The following GLI1 variants were observed in gnomAD, a reference collection of about 807,000 sequenced individuals.
GLI1 encodes the protein GLI family zinc finger 1.
GLI1 carries 51 observed loss-of-function variants against 87.8 expected under a neutral mutation model. The observed-to-expected ratio is 0.58, with a 90% CI of 0.46 to 0.73. GLI1 has a LOEUF of 0.73. Among genes scored for constraint, GLI1 ranks in the 30% least tolerant of loss-of-function variants. The probability of loss-of-function intolerance (pLI) is 0.00; values close to 1 mark genes in which losing one functional copy is unlikely to be tolerated. For missense variants in GLI1, 1,292 were observed against 1,437.2 expected (o/e 0.90, Z 1.63); for synonymous variants, 528 against 558.2 (o/e 0.95, Z 0.76).
Position 57,470,405 on chromosome 12 carries a change from C to T in GLI1, c.1665C>T (p.Val555=), listed in dbSNP as rs757646785. The T allele has an allele frequency of 6.2e-7, 1 of 1,613,910 alleles. No homozygotes were observed. The highest frequency in any genetic ancestry group is 1.1e-5 in the South Asian group (1 of 91,054). ...GCAGCATCAGCTCTGCCTATACTGT[C>T]AGCCGCCGCTCCTCCCTGGCCTCTC... is the stretch of plus-strand genomic sequence containing the variant. The part of the protein sequence containing the change: ...SSSSISSAYT[V]SRRSSLASPF... The change falls in exon 12 of 12, where the codon GTC becomes GTT. Residue 555 remains valine, a synonymous_variant. Transcript: ENST00000228682.
chr12:57,467,090 C>T lies in GLI1; in HGVS notation c.913-243C>T, dbSNP rs76642828. Reference sequence around the variant, plus strand: ...AAGATCCCCATGCAGAGAAATCTGCCCTGGCTTGGTCAGAAGATGCTCTAG... The same window carrying T: ...AAGATCCCCATGCAGAGAAATCTGCTCTGGCTTGGTCAGAAGATGCTCTAG... On this transcript the variant is annotated intron_variant, in intron 8 of 11. Coordinates refer to ENST00000228682, the MANE Select transcript of GLI1 (RefSeq NM_005269.3). 1.8e-3 allele frequency among the ~76,000 whole-genome samples: 278 copies of T among 152,170 alleles called. 2 individuals are homozygous for T. Among genetic ancestry groups the T allele is most frequent in the African/African-American group, 6.5e-3 (268 of 41,492 alleles).
rs540213649 is a variant in GLI1 at position 57,460,855 on chromosome 12, G to A, written c.-28+654G>A. Among the ~76,000 whole-genome samples the A allele has an allele frequency of 2.0e-3, 301 of 152,252 alleles. 1 individual carries two copies. The highest frequency in any genetic ancestry group is 7.1e-3 in the African/African-American group (295 of 41,542). ...TTTGGACTCCTGAGTCCCAAGGGCT[G>A]TGGGCAAGGAGCTCAGGAGGAGCCG... On this transcript the variant is annotated intron_variant, in intron 1 of 11. Transcript: ENST00000228682.
At chr12:57,462,151 T>A (rs1017209497) in intron 1 of GLI1, among the ~76,000 whole-genome samples, 2 of 152,092 alleles carry the variant, frequency 1.3e-5, no homozygotes, top group Non-Finnish European at 2.9e-5. Context: ...CTCCTTCCCC[T>A]GGGTGAGTCA....
intron 10 of GLI1, 122 bp from the exon 11 acceptor site, chr12:57,469,309 C>G: frequency 1.0e-6 from 1 of 956,734 alleles, no homozygotes; most frequent in Non-Finnish European, 1.6e-6. Context: ...CTGCTTAGCC[C>G]TTTCTACACT....
At position 57,460,032 on chromosome 12, in the gene GLI1, GCGGCCCGGCGGGCTGGGC is replaced by G. The variant is rs1055474966; in HGVS notation, c.-192_-175del. The G allele has an allele frequency of 6.6e-5, 10 of 150,978 alleles. No individual in the cohort carries two copies. Among genetic ancestry groups the G allele is most frequent in the Admixed American group, 2.6e-4 (4 of 15,192 alleles). The allele number at this position is 150,978 out of a possible 1,614,324, so 9.4% of individuals were successfully genotyped here. On this transcript the variant is annotated 5_prime_UTR_variant, in exon 1 of 12. Coordinates refer to ENST00000228682, the MANE Select transcript of GLI1 (RefSeq NM_005269.3). ...CGCTTCTCGCGGGTGGTCCGGGCTT[GCGGCCCGGCGGGCTGGGC>G]CGGCGGGAGGGCTGGGGGCCAGGTT...
intron 7 of GLI1, 109 bp downstream of exon 7, chr12:57,466,034 A>G: frequency 1.7e-6 from 2 of 1,164,548 alleles, no homozygotes; most frequent in East Asian, 2.3e-5. Flanking sequence ...ACTGAGGTTG[A>G]ATGCTCAGTT....
chr12:57,467,896 C>T (rs1683472789), intron 9 of GLI1, 98 bp from the exon 10 acceptor site: 2 of 790,640 alleles, frequency 2.5e-6, no homozygotes, highest in Admixed American at 2.0e-5. Context: ...GCTGTGTGCT[C>T]CTCCCCTGCC....
At position 57,471,946 on chromosome 12, in the gene GLI1, G is replaced by A. The variant is rs1256380503; in HGVS notation, c.3206G>A (p.Gly1069Asp). 6.2e-7 allele frequency: 1 copy of A among 1,612,158 alleles called. No homozygotes were observed. The highest frequency in any genetic ancestry group is 8.5e-7 in the Non-Finnish European group (1 of 1,179,054). The change falls in exon 12 of 12, where the codon GGC becomes GAC. Residue 1069 changes from glycine (G) to aspartate (D), a missense_variant. Gly to Asp is a moderately conservative substitution (Grantham distance 94). Coordinates refer to ENST00000228682, the MANE Select transcript of GLI1 (RefSeq NM_005269.3). The surrounding 1 kb of genome is among the most constrained non-coding windows in gnomAD (Gnocchi z 4.9). ...CCTCCTCCTTCCCATGATCAGCGGG[G>A]CAGCTCTGGACATACCCCACCTCCC... ...LSPPPSHDQR[G>D]SSGHTPPPSG...
rs368138761 is a variant in GLI1 at position 57,470,439 on chromosome 12, C to G, written c.1699C>G (p.Pro567Ala). ...RRSSLASPFP[P>A]GSPPENGASS... ...CTCCTCCCTGGCCTCTCCTTTCCCC[C>G]CTGGCTCCCCACCAGAGAATGGAGC... is the stretch of plus-strand genomic sequence containing the variant. Residue 567 changes from proline (P) to alanine (A), a missense_variant, in exon 12 of 12, where the codon CCT becomes GCT. This residue lies in a region of GLI1 where 897 missense variants were observed against 1,040.7 expected (regional missense o/e 0.86). Coordinates refer to ENST00000228682, the MANE Select transcript of GLI1 (RefSeq NM_005269.3). The G allele has an allele frequency of 3.7e-6, 6 of 1,614,060 alleles. No individual in the cohort carries two copies. The Admixed American group carries it at 5.0e-5, about 13-fold the overall frequency.
rs773228040 is a variant in GLI1 at position 57,463,732 on chromosome 12, G to T, written c.41G>T (p.Gly14Val). The change falls in exon 2 of 12, where the codon GGC (glycine) becomes GTC (valine). Residue 14 changes from glycine (G) to valine (V), a missense_variant. Physicochemically the swap from Gly to Val is moderately radical, Grantham distance 109. Transcript: ENST00000228682. ...SMTPPPISSY[G>V]EPCCLRPLPS... Reference sequence around the variant, plus strand: ...ACCCCACCACCAATCAGTAGCTATGGCGAGCCCTGCTGTCTCCGGCCCCTC... The same window carrying T: ...ACCCCACCACCAATCAGTAGCTATGTCGAGCCCTGCTGTCTCCGGCCCCTC... 3.7e-6 allele frequency: 6 copies of T among 1,612,514 alleles called. No individual in the cohort carries two copies. The East Asian group carries it at 1.1e-4, about 30-fold the overall frequency.
chr12:57,463,792 G>A lies in GLI1; in HGVS notation c.100+1G>A. On this transcript the variant is annotated splice_donor_variant, in intron 2 of 11. Transcript: ENST00000228682. LOFTEE classifies it high-confidence loss of function. ...GGGGCCCCCAGTGTGGGGACAGAAG[G>A]TCAGTGTATATACCAATCCCTGGGC... 1.3e-6 allele frequency: 2 copies of A among 1,556,956 alleles called. No homozygotes were observed. The highest frequency in any genetic ancestry group is 1.1e-5 in the South Asian group (1 of 89,790).
At chr12:57,467,950 C>G in intron 9 of GLI1, 44 bp from the exon 10 acceptor site, 1 of 1,387,106 alleles carries the variant, frequency 7.2e-7, no homozygotes, top group Non-Finnish European at 1.0e-6. Flanking sequence ...TGCATTCTTC[C>G]GCTTTGATCC....
rs769939499 is a variant in GLI1, at chr12:57,467,957, A to G, written c.1078-37A>G. On this transcript the variant is annotated intron_variant, in intron 9 of 11. Transcript: ENST00000228682. ...ATTTCTTCTGCATTCTTCCGCTTTG[A>G]TCCGTTTGCCTTCTGTCTCCACTCT... The G allele has an allele frequency of 6.9e-6, 10 of 1,445,348 alleles. No homozygotes were observed. The South Asian group carries it at 1.1e-4, about 17-fold the overall frequency. 89.5% of individuals were successfully genotyped at this position (1,445,348 alleles called of 1,614,324 possible).
At position 57,463,749 on chromosome 12, in the gene GLI1, C is replaced by T. The variant is rs767782645; in HGVS notation, c.58C>T (p.Arg20Trp). The change falls in exon 2 of 12, where the codon CGG becomes TGG. Residue 20 changes from arginine to tryptophan, a missense_variant. By Grantham distance (101) the Arg-to-Trp change is moderately radical (BLOSUM62 -3). This residue lies in a region of GLI1 where 383 missense variants were observed against 368.4 expected (regional missense o/e 1.04). Transcript: ENST00000228682. Reference protein sequence around the residue: ...ISSYGEPCCLRPLPSQGAPSV... With the variant: ...ISSYGEPCCLWPLPSQGAPSV... ...TAGCTATGGCGAGCCCTGCTGTCTC[C>T]GGCCCCTCCCCAGTCAGGGGGCCCC... 1.2e-5 allele frequency: 19 copies of T among 1,610,962 alleles called. No individual in the cohort carries two copies. The highest frequency in any genetic ancestry group is 3.3e-4 in the Middle Eastern group (2 of 6,084).
rs764393270 is a variant in GLI1, at chr12:57,467,506, CCTAA to C, written c.1077+14_1077+17del. The C allele has an allele frequency of 5.0e-6, 8 of 1,584,562 alleles. No homozygotes were observed. Among genetic ancestry groups the C allele is most frequent in the Admixed American group, 1.7e-5 (1 of 58,328 alleles). Reference sequence around the variant, plus strand: ...GGACCCATTCCAATGAGGTGAATGCCCTAACTAAGCGACCCTCCCCTCTTGAGAA... The same window carrying C: ...GGACCCATTCCAATGAGGTGAATGCCCTAAGCGACCCTCCCCTCTTGAGAA... On this transcript the variant is annotated intron_variant, in intron 9 of 11. Transcript: ENST00000228682.
rs759305475 is a variant in GLI1 at position 57,465,105 on chromosome 12, C to T, written c.390-6C>T. On this transcript the variant is annotated splice_region_variant and splice_polypyrimidine_tract_variant and intron_variant, in intron 4 of 11. Transcript: ENST00000228682. ...GTCTTAAGTAACTGCCTCCTCTCCT[C>T]CTCAGCCCATCTCTGGGATTCCCAG... 2.2e-5 allele frequency: 35 copies of T among 1,613,890 alleles called. No individual in the cohort carries two copies. Among genetic ancestry groups the T allele is most frequent in the Non-Finnish European group, 2.7e-5 (32 of 1,179,820 alleles).
intron 10 of GLI1, among the ~76,000 whole-genome samples, chr12:57,469,015 G>T (rs1446771999): frequency 6.6e-6 from 1 of 152,150 alleles, no homozygotes; most frequent in Non-Finnish European, 1.5e-5. Flanking sequence ...GCCTCCCAAA[G>T]TGCTGGGATT....
In GLI1 at chr12:57,471,248, C is replaced by A. The variant is rs1022618991; in HGVS notation, c.2508C>A (p.His836Gln). The A allele has an allele frequency of 1.1e-5, 18 of 1,601,746 alleles. No individual in the cohort carries two copies. The African/African-American group carries it at 2.0e-4, about 18-fold the overall frequency. ...GACTGGCACCCTGCCTCAATGCCCA[C>A]CCCAGTGAGGGGCCCCCACATCCAC... ...STGLAPCLNA[H>Q]PSEGPPHPQP... Residue 836 changes from histidine (H) to glutamine (Q), a missense_variant, in exon 12 of 12, where the codon CAC becomes CAA. Physicochemically the swap from His to Gln is conservative, Grantham distance 24 (BLOSUM62 0). Transcript: ENST00000228682. The surrounding 1 kb of genome is among the most constrained non-coding windows in gnomAD (Gnocchi z 4.9).
intron 11 of GLI1, 51 bp downstream of exon 11, chr12:57,469,749 T>G: frequency 1.3e-6 from 2 of 1,575,208 alleles, no homozygotes; most frequent in South Asian, 1.1e-5. Context: ...GGACCTGCCC[T>G]GAGGTTGAGA....
Sources: allele counts gnomAD v4.1 joint callset (sites outside exome capture counted in the v4.1 genomes callset), GRCh38; gene constraint gnomAD v4.1.1; regional missense constraint gnomAD v4.1.1; non-coding constraint Gnocchi (gnomAD v3.1); transcripts MANE v1.5; gene names NCBI Gene and HGNC (gene_info 2026-07-23, HGNC 2026-07-21).